TMPRSS9: variants seen among roughly 807,000 people sequenced by gnomAD.
TMPRSS9 encodes transmembrane protease serine 9.
A neutral mutation model predicts 111.4 loss-of-function variants in TMPRSS9; 113 were observed. The observed-to-expected ratio is 1.01, with a 90% CI of 0.87 to 1.19. The LOEUF (loss-of-function observed/expected upper bound fraction) is 1.19. Among genes scored for constraint, TMPRSS9 ranks in the 50% most tolerant of loss-of-function variants. The probability of loss-of-function intolerance (pLI) is 0.00; values close to 1 mark genes in which losing one functional copy is unlikely to be tolerated. For synonymous variants in TMPRSS9, 805 were observed against 659.1 expected, an observed-to-expected ratio of 1.22 and a Z score of -3.39; for missense variants, 1,803 against 1,513.1, an observed-to-expected ratio of 1.19 and a Z score of -3.18.
chr19:2,393,636 A>T (rs1372404128), intron 1 of TMPRSS9, among the ~76,000 whole-genome samples: 1 of 152,078 alleles, frequency 6.6e-6, no homozygotes, highest in Non-Finnish European at 1.5e-5. Context: ...ATAGTAGCTC[A>T]CCCCGGTAAT....
rs557078786 is a variant in TMPRSS9 at position 2,390,789 on chromosome 19, G to C, written c.142+862G>C. On this transcript the variant is annotated intron_variant, in intron 1 of 17. Transcript: ENST00000648592. ...AATCGCTTGAACCTGGGAGGCAGAG[G>C]TTGCAGTGAGCTGAGATCGCACCAC... 3.0e-3 allele frequency among the ~76,000 whole-genome samples: 450 copies of C among 151,870 alleles called. 2 individuals are homozygous for C. Among genetic ancestry groups the C allele is most frequent in the African/African-American group, 0.01 (418 of 41,470 alleles).
rs918620690 is a variant in TMPRSS9 at position 2,364,895 on chromosome 19, C to T, written c.-26+4535C>T. On this transcript the variant is annotated intron_variant, in intron 1 of 17. Transcript: ENST00000649857. Reference sequence around the variant, plus strand: ...TCGGGAGGCTGAAGCAGGAGAATGGCGTGAACCCGGGAGGCAGAGCTTGCA... The same window carrying T: ...TCGGGAGGCTGAAGCAGGAGAATGGTGTGAACCCGGGAGGCAGAGCTTGCA... 2.2e-4 allele frequency among the ~76,000 whole-genome samples: 34 copies of T among 151,596 alleles called. 1 individual carries two copies. Among genetic ancestry groups the T allele is most frequent in the African/African-American group, 7.3e-4 (30 of 41,290 alleles).
intron 2 of TMPRSS9, among the ~76,000 whole-genome samples, chr19:2,398,008 C>G (rs1427272546): frequency 6.9e-6 from 1 of 145,056 alleles, no homozygotes; most frequent in Non-Finnish European, 1.5e-5. Flanking sequence ...CTCAGCCTCC[C>G]GAGTAGCTGG....
chr19:2,406,780 T>TA (rs1179373522), intron 7 of TMPRSS9, among the ~76,000 whole-genome samples: 1 of 151,654 alleles, frequency 6.6e-6, no homozygotes, highest in Non-Finnish European at 1.5e-5. Context: ...TTTGATTTTT[T>TA]AAAATATTCT....
At chr19:2,421,193 C>T (rs1040794633) in intron 13 of TMPRSS9, among the ~76,000 whole-genome samples, 5 of 151,912 alleles carry the variant, frequency 3.3e-5, no homozygotes, top group Non-Finnish European at 4.4e-5. Context: ...GCAACAAGAG[C>T]GAGACTCTGC....
rs369693437 is a variant in TMPRSS9 at position 2,416,848 on chromosome 19, C to T, written c.2017+39C>T. On this transcript the variant is annotated intron_variant, in intron 12 of 17. Transcript: ENST00000648592. The stretch of plus-strand genomic sequence containing the variant: ...CATCGAGGGGAACGGTGGATTTATT[C>T]TCCAGGGCCTGGCCTGGGGAGGGTC... 130 of 1,568,264 alleles carry T rather than the reference C, an allele frequency of 8.3e-5. No homozygotes were observed. In the African/African-American group the frequency reaches 1.6e-3, roughly 19 times the overall value.
At chr19:2,403,496 G>A (rs1188473509) in intron 6 of TMPRSS9, among the ~76,000 whole-genome samples, 1 of 152,142 alleles carries the variant, frequency 6.6e-6, no homozygotes, top group Non-Finnish European at 1.5e-5. Flanking sequence ...AGGAACTGGA[G>A]CTCTGTCCTA....
chr19:2,378,460 C>T lies in TMPRSS9; in HGVS notation c.-25-11301C>T, dbSNP rs150670650. On this transcript the variant is annotated intron_variant, in intron 1 of 17. Coordinates refer to the TMPRSS9 transcript ENST00000649857. ...CAAGGCTGGGTGCAGTGGCTCATGC[C>T]TGTAATCCCAGCACTTTGGGAGGCC... 1.4e-3 allele frequency among the ~76,000 whole-genome samples: 210 copies of T among 152,328 alleles called. 2 individuals carry two copies. Among genetic ancestry groups the T allele is most frequent in the African/African-American group, 4.8e-3 (200 of 41,590 alleles).
At chr19:2,372,185 C>T (rs1452842187) in intron 1 of TMPRSS9, among the ~76,000 whole-genome samples, 3 of 152,094 alleles carry the variant, frequency 2.0e-5, no homozygotes, top group South Asian at 2.1e-4. Flanking sequence ...TATCTTGGTG[C>T]GCAGTTCAGA....
At chr19:2,401,642 C>G (rs1237115790) in intron 4 of TMPRSS9, among the ~76,000 whole-genome samples, 2 of 151,926 alleles carry the variant, frequency 1.3e-5, no homozygotes, top group African/African-American at 2.4e-5. Flanking sequence ...GAGTCTCGCT[C>G]TGTCGCCCAG....
chr19:2,426,220 G>C, exon 18 of TMPRSS9: 3 of 1,193,272 alleles, frequency 2.5e-6, no homozygotes, highest in Non-Finnish European at 3.5e-6. Context: ...GATGCATTTT[G>C]GTACCACCCT....
intron 4 of TMPRSS9, among the ~76,000 whole-genome samples, chr19:2,400,353 CCA>C (rs1479015951): frequency 6.6e-6 from 1 of 151,872 alleles, no homozygotes; most frequent in Non-Finnish European, 1.5e-5. Context: ...ACCAGCCTGG[CCA>C]ACATGGCGAA....
At chr19:2,413,325 A>G (rs1971138374) in intron 9 of TMPRSS9, among the ~76,000 whole-genome samples, 1 of 152,192 alleles carries the variant, frequency 6.6e-6, no homozygotes, top group Non-Finnish European at 1.5e-5. Flanking sequence ...TGCTGCAGCT[A>G]CCAGTGAGAT....
intron 7 of TMPRSS9, among the ~76,000 whole-genome samples, chr19:2,407,608 C>CTTTTCCT (rs1599301337): frequency 1.0e-5 from 1 of 98,404 alleles, no homozygotes; most frequent in African/African-American, 4.1e-5. Flanking sequence ...CTTTTCTTTT[C>CTTTTCCT]TTTTTTTTTT....
chr19:2,375,583 C>A (rs1486607824), intron 1 of TMPRSS9, among the ~76,000 whole-genome samples: 1 of 151,794 alleles, frequency 6.6e-6, no homozygotes, highest in African/African-American at 2.4e-5. Flanking sequence ...AGGCCAGGGT[C>A]CAGTGTGGAC....
intron 12 of TMPRSS9, 50 bp downstream of exon 13, chr19:2,416,859 G>A: frequency 1.3e-6 from 2 of 1,551,960 alleles, no homozygotes; most frequent in East Asian, 2.3e-5. Context: ...TCCAGGGCCT[G>A]GCCTGGGGAG....
chr19:2,410,198 T>C (rs1971064434), intron 8 of TMPRSS9, 60 bp from the exon 10 acceptor site: 1 of 1,600,276 alleles, frequency 6.2e-7, no homozygotes. Context: ...GCCTCCCAGC[T>C]CAAAGTGGCT....
intron 6 of TMPRSS9, among the ~76,000 whole-genome samples, chr19:2,403,991 C>CAAA (rs924148287): frequency 7.5e-4 from 38 of 50,502 alleles, no homozygotes; most frequent in African/African-American, 2.6e-3. Flanking sequence ...GACTCTGTCT[C>CAAA]AAAAAAAAAA....
At chr19:2,417,173 T>C (rs561185175) in intron 12 of TMPRSS9, among the ~76,000 whole-genome samples, 39 of 152,176 alleles carry the variant, frequency 2.6e-4, no homozygotes, top group African/African-American at 7.5e-4. Context: ...TTATAGAAAA[T>C]GTTTGCCGGC....
Sources: gnomAD v4.1 joint callset for allele counts (sites outside exome capture counted in the v4.1 genomes callset) on GRCh38, gnomAD v4.1.1 for gene constraint, MANE v1.5 for transcripts, NCBI Gene and HGNC (gene_info 2026-07-23, HGNC 2026-07-21) for gene names.